Variants in RAD23B observed in about 807,000 individuals in gnomAD.
The protein encoded by RAD23B is lysine-specific demethylase RAD23B.
In RAD23B, 5 loss-of-function variants were observed where a neutral mutation model predicts 49.1. The observed-to-expected ratio is 0.10, with a 90% CI of 0.05 to 0.21. RAD23B has a LOEUF of 0.21. RAD23B is among the 10% of genes least tolerant of loss of function. The probability of loss-of-function intolerance (pLI) is 1.00; values close to 1 mark genes in which losing one functional copy is unlikely to be tolerated. For synonymous variants in RAD23B, 184 were observed against 165.4 expected, an observed-to-expected ratio of 1.11 and a Z score of -0.86; for missense variants, 356 against 486.7, an observed-to-expected ratio of 0.73 and a Z score of 2.53.
chr9:107,293,831 T>G (rs1453869898), intron 1 of RAD23B, among the ~76,000 whole-genome samples: 1 of 152,236 alleles, frequency 6.6e-6, no homozygotes, highest in African/African-American at 2.4e-5. Flanking sequence ...TTGCTCAGGC[T>G]GGAGTACGCT....
rs1481733080 is a variant in RAD23B at position 107,283,682 on chromosome 9, A to G, written c.53A>G (p.Asp18Gly). ...LQQQTFKIDI[D>G]PEETVKALKE... ...CAGCAGACCTTCAAGATAGACATTG[A>G]CCCCGAGGAGACGGTATGCGCGCGG... The change falls in exon 1 of 10, where the codon GAC (aspartate) becomes GGC (glycine). Residue 18 changes from aspartate to glycine, a missense_variant. Around this residue, in one of 5 missense-constraint regions of RAD23B, gnomAD observed 31 missense variants for 23.5 expected, o/e 1.32. Transcript: ENST00000358015. 14 of 1,472,656 alleles carry G rather than the reference A, an allele frequency of 9.5e-6. No individual in the cohort carries two copies. The highest frequency in any genetic ancestry group is 1.3e-5 in the Non-Finnish European group (14 of 1,108,850). The allele number at this position is 1,472,656 out of a possible 1,614,324, so 91.2% of individuals were successfully genotyped here.
intron 6 of RAD23B, among the ~76,000 whole-genome samples, chr9:107,321,259 GTATCTCATTTATGAGATACT>G (rs1827105704): frequency 2.0e-3 from 2 of 1,020 alleles, no homozygotes; most frequent in African/African-American, 0.01. Flanking sequence ...GATACTTTAA[GTATCTCATTTATGAGATACT>G]TTAAGTATCT....
At chr9:107,303,453 A>G (rs1826699925) in intron 3 of RAD23B, among the ~76,000 whole-genome samples, 1 of 152,202 alleles carries the variant, frequency 6.6e-6, no homozygotes. Context: ...TTAAGTCATT[A>G]TATGTTAAGT....
intron 1 of RAD23B, among the ~76,000 whole-genome samples, chr9:107,286,927 T>G (rs1270354958): frequency 6.6e-6 from 1 of 151,920 alleles, no homozygotes; most frequent in Non-Finnish European, 1.5e-5. Flanking sequence ...TACAAAAAAT[T>G]AGACGGACGT....
intron 1 of RAD23B, among the ~76,000 whole-genome samples, chr9:107,287,964 A>C: frequency 6.6e-6 from 1 of 152,300 alleles, no homozygotes; most frequent in South Asian, 2.1e-4. Context: ...TTTTCAATAT[A>C]GTCATGCTAG....
rs149868389 is a variant in RAD23B, at chr9:107,290,871, C to T, written c.66+7176C>T. ...GTAAAATCAATGAACAAGGTCCTGCCGCGATAGATGCCGTATAGGATTCCA... is the reference window on the plus strand; with the variant it reads ...GTAAAATCAATGAACAAGGTCCTGCTGCGATAGATGCCGTATAGGATTCCA... On this transcript the variant is annotated intron_variant, in intron 1 of 9. Transcript: ENST00000358015. Among the ~76,000 whole-genome samples the T allele has an allele frequency of 2.4e-3, 372 of 152,164 alleles. 1 individual carries two copies. Among genetic ancestry groups the T allele is most frequent in the Non-Finnish European group, 4.2e-3 (288 of 68,014 alleles).
chr9:107,317,212 T>C (rs1827016255), intron 5 of RAD23B, among the ~76,000 whole-genome samples: 1 of 152,104 alleles, frequency 6.6e-6, no homozygotes, highest in Admixed American at 6.5e-5. Flanking sequence ...GAGACTGTTG[T>C]GGGCTTGTCT....
Position 107,310,423 on chromosome 9 carries a change from G to A in RAD23B, c.498-1259G>A, listed in dbSNP as rs747059535. On this transcript the variant is annotated intron_variant, in intron 4 of 9. Transcript: ENST00000358015. ...AACCAAACTACACATTGCTTAATAAGAGCTTGATTTGGTCTTTTAAATGGA... is the reference window on the plus strand; with the variant it reads ...AACCAAACTACACATTGCTTAATAAAAGCTTGATTTGGTCTTTTAAATGGA... 5.3e-4 allele frequency among the ~76,000 whole-genome samples: 80 copies of A among 152,096 alleles called. 1 individual carries two copies. The highest frequency in any genetic ancestry group is 1.0e-3 in the Admixed American group (16 of 15,276).
At chr9:107,303,686 A>G (rs1826704575) in intron 3 of RAD23B, among the ~76,000 whole-genome samples, 1 of 152,182 alleles carries the variant, frequency 6.6e-6, no homozygotes, top group Non-Finnish European at 1.5e-5. Flanking sequence ...ATTGAGGTTC[A>G]TCTGTCTATG....
At chr9:107,321,370 C>G (rs1344963678) in intron 6 of RAD23B, among the ~76,000 whole-genome samples, 2 of 152,152 alleles carry the variant, frequency 1.3e-5, no homozygotes, top group South Asian at 4.1e-4. Flanking sequence ...CTGAGTGACA[C>G]TTTCTCAGTA....
chr9:107,302,145 A>G, intron 3 of RAD23B, 31 bp downstream of exon 3: 2 of 1,609,832 alleles, frequency 1.2e-6, no homozygotes, highest in Non-Finnish European at 1.7e-6. Flanking sequence ...GTATATCTTT[A>G]TGCATGTAGG....
At chr9:107,285,774 G>A (rs1209854822) in intron 1 of RAD23B, among the ~76,000 whole-genome samples, 2 of 152,112 alleles carry the variant, frequency 1.3e-5, no homozygotes, top group East Asian at 1.9e-4. Context: ...CTGTTAGTCC[G>A]GGGCAAGAAA....
Position 107,318,155 on chromosome 9 carries a change from T to C in RAD23B, c.554-597T>C, listed in dbSNP as rs557683023. ...ACTGTAGTAAGTTACCACAAACTTA[T>C]TGGTGTAGAACAACACAGATTAACT... On this transcript the variant is annotated intron_variant, in intron 5 of 9. Coordinates refer to ENST00000358015, the MANE Select transcript of RAD23B (RefSeq NM_002874.5). The surrounding 1 kb of genome is among the most constrained non-coding windows in gnomAD (Gnocchi z 4.3). 2.6e-5 allele frequency among the ~76,000 whole-genome samples: 4 copies of C among 152,300 alleles called. No individual in the cohort carries two copies. The highest frequency in any genetic ancestry group is 1.9e-4 in the East Asian group (1 of 5,188).
intron 1 of RAD23B, chr9:107,284,757 A>G (rs1317171718): frequency 1.8e-6 from 2 of 1,100,808 alleles, no homozygotes; most frequent in African/African-American, 1.6e-5. Flanking sequence ...AGTTGATTCT[A>G]TTTTGGGTGG....
rs540325165 is a variant in RAD23B at position 107,328,505 on chromosome 9, T to G, written c.1117-1038T>G. On this transcript the variant is annotated intron_variant, in intron 9 of 9. Coordinates refer to ENST00000358015, the MANE Select transcript of RAD23B (RefSeq NM_002874.5). ...ATACGGAGCACAGACCCTAGATCCC[T>G]CTCATGCACAGTTCACAGTAGGGTT... Among the ~76,000 whole-genome samples, 155 of 152,310 alleles carry G rather than the reference T, an allele frequency of 1.0e-3. 1 individual carries two copies. Among genetic ancestry groups the G allele is most frequent in the Non-Finnish European group, 1.9e-3 (131 of 68,026 alleles).
chr9:107,317,935 G>C (rs373900599), intron 5 of RAD23B, among the ~76,000 whole-genome samples: 6 of 151,944 alleles, frequency 3.9e-5, no homozygotes, highest in East Asian at 1.9e-4. Flanking sequence ...AGTTATATAA[G>C]GTATCAAAGG....
chr9:107,295,771 C>T (rs1323929401), intron 1 of RAD23B, among the ~76,000 whole-genome samples: 1 of 152,082 alleles, frequency 6.6e-6, no homozygotes, highest in Non-Finnish European at 1.5e-5. Context: ...GATTTGTTAG[C>T]TAAGCAAGGT....
At chr9:107,321,097 T>C (rs1827102465) in intron 6 of RAD23B, among the ~76,000 whole-genome samples, 1 of 152,294 alleles carries the variant, frequency 6.6e-6, no homozygotes, top group East Asian at 1.9e-4. Context: ...GTTTAGTGCA[T>C]GCAGTTTTAA....
chr9:107,326,609 T>C (rs2133100036), intron 9 of RAD23B, among the ~76,000 whole-genome samples: 2 of 149,894 alleles, frequency 1.3e-5, no homozygotes, highest in Non-Finnish European at 3.0e-5. Flanking sequence ...GTTACTTGTC[T>C]ATTCAACTTT....
Sources: gnomAD v4.1 joint callset for allele counts (sites outside exome capture counted in the v4.1 genomes callset) on GRCh38, gnomAD v4.1.1 for gene constraint, gnomAD v4.1.1 regional missense constraint, Gnocchi (gnomAD v3.1) non-coding constraint, MANE v1.5 for transcripts, NCBI Gene and HGNC (gene_info 2026-07-23, HGNC 2026-07-21) for gene names.